Variants in KLF8 observed in about 807,000 individuals in gnomAD.
The protein encoded by KLF8 is Krueppel-like factor 8.
KLF8 carries 10 observed loss-of-function variants against 18.2 expected under a neutral mutation model. The observed-to-expected ratio is 0.55, with a 90% CI of 0.34 to 0.93. KLF8 has a LOEUF of 0.93. KLF8 is among the 40% of genes least tolerant of loss of function. The probability of loss-of-function intolerance (pLI) is 0.02; values close to 1 mark genes in which losing one functional copy is unlikely to be tolerated. For missense variants in KLF8, 264 were observed against 277.9 expected (o/e 0.95, Z 0.36); for synonymous variants, 109 against 97.3 (o/e 1.12, Z -0.71).
At chrX:55,954,362 AT>A in the KLF8 span, among the ~76,000 whole-genome samples, 1 of 111,822 alleles carries the variant, frequency 8.9e-6, no homozygotes, top group Non-Finnish European at 1.9e-5. Flanking sequence ...TTAAAATGAT[AT>A]ACTTCACAAA....
the KLF8 span, among the ~76,000 whole-genome samples, chrX:56,056,344 T>G: frequency 9.1e-6 from 1 of 110,287 alleles, no homozygotes; most frequent in East Asian, 2.9e-4. Flanking sequence ...GGAACAACAC[T>G]CTACTTTGAA....
the KLF8 span, among the ~76,000 whole-genome samples, chrX:56,012,076 G>C: frequency 8.9e-6 from 1 of 111,885 alleles, no homozygotes; most frequent in Non-Finnish European, 1.9e-5. Flanking sequence ...GAATTGAAAA[G>C]GAGTGACCCC....
chrX:55,956,180 CTATCTATCTATG>C, the KLF8 span, among the ~76,000 whole-genome samples: 15 of 108,510 alleles, frequency 1.4e-4, no homozygotes, highest in African/African-American at 4.5e-4. Flanking sequence ...ATCTATCTAT[CTATCTATCTATG>C]TATCTATCTA....
At chrX:56,152,344 G>A in the KLF8 span, among the ~76,000 whole-genome samples, 1 of 110,744 alleles carries the variant, frequency 9.0e-6, no homozygotes, top group Non-Finnish European at 1.9e-5. Flanking sequence ...GATATAGAGA[G>A]CTTAGGCCTT....
At chrX:55,972,556 G>A in the KLF8 span, among the ~76,000 whole-genome samples, 4 of 111,258 alleles carry the variant, frequency 3.6e-5, no homozygotes, top group Non-Finnish European at 7.6e-5. Flanking sequence ...GTAACACAGA[G>A]GATAAATGCT....
chrX:55,953,438 A>C, the KLF8 span, among the ~76,000 whole-genome samples: 9,389 of 82,096 alleles, frequency 0.11, 990 homozygotes, highest in African/African-American at 0.31. Flanking sequence ...CAATCCCTCA[A>C]AATCCCAGGT....
At chrX:55,940,024 G>T in the KLF8 span, among the ~76,000 whole-genome samples, 24,239 of 111,017 alleles carry the variant, frequency 0.22, 5,428 homozygotes, top group African/African-American at 0.69. Flanking sequence ...TAACTCATTT[G>T]ATGAGGACGG....
the KLF8 span, among the ~76,000 whole-genome samples, chrX:55,919,494 C>T: frequency 2.7e-5 from 3 of 111,571 alleles, no homozygotes; most frequent in African/African-American, 6.5e-5. Flanking sequence ...CCCTGGTCAC[C>T]GGCTGCCTCG....
At chrX:56,219,821 C>T in the KLF8 span, among the ~76,000 whole-genome samples, 1 of 111,900 alleles carries the variant, frequency 8.9e-6, no homozygotes, top group East Asian at 2.8e-4. Context: ...CACTGCACTC[C>T]AGCCTGGGCA....
At chrX:56,105,061 T>A in the KLF8 span, among the ~76,000 whole-genome samples, 1 of 112,280 alleles carries the variant, frequency 8.9e-6, no homozygotes, top group South Asian at 3.7e-4. Context: ...CTAATTTGAT[T>A]GCACTGTGGT....
the KLF8 span, among the ~76,000 whole-genome samples, chrX:55,918,741 CGTGT>C: frequency 3.7e-5 from 4 of 107,678 alleles, no homozygotes; most frequent in Non-Finnish European, 5.8e-5. Context: ...TGAGCGTGTC[CGTGT>C]GTGTGTGTGT....
At chrX:56,226,381 T>A in the KLF8 span, among the ~76,000 whole-genome samples, 2 of 112,444 alleles carry the variant, frequency 1.8e-5, no homozygotes, top group African/African-American at 6.5e-5. Context: ...TGACATGTTT[T>A]ACTTAAGTAA....
chrX:56,237,399 ATGTGTGTG>A (rs748941653), intron 1 of KLF8, among the ~76,000 whole-genome samples: 3 of 106,440 alleles, frequency 2.8e-5, no homozygotes, highest in Admixed American at 1.0e-4. Flanking sequence ...TTATATATAT[ATGTGTGTG>A]TGTGTGTGTG....
chrX:56,172,699 A>T, the KLF8 span, among the ~76,000 whole-genome samples: 2 of 111,892 alleles, frequency 1.8e-5, no homozygotes, highest in Non-Finnish European at 3.8e-5. Flanking sequence ...CCACAATGGT[A>T]GAACTAGTTT....
chrX:56,104,448 G>T, the KLF8 span, among the ~76,000 whole-genome samples: 7 of 111,481 alleles, frequency 6.3e-5, no homozygotes, highest in African/African-American at 2.3e-4. Flanking sequence ...TCTTGGGAGG[G>T]TGTATGTGCC....
chrX:55,999,857 T>C, the KLF8 span, among the ~76,000 whole-genome samples: 1 of 112,310 alleles, frequency 8.9e-6, no homozygotes, highest in African/African-American at 3.2e-5. Flanking sequence ...CTGATTGCTC[T>C]GGCTAAAACT....
At chrX:56,038,565 G>C in the KLF8 span, among the ~76,000 whole-genome samples, 1 of 112,546 alleles carries the variant, frequency 8.9e-6, no homozygotes, top group Admixed American at 9.4e-5. Flanking sequence ...TTTTATGGCT[G>C]CATAGCATTC....
intron 3 of KLF8, chrX:56,268,868 A>T: frequency 3.3e-6 from 3 of 895,661 alleles, no homozygotes; most frequent in Non-Finnish European, 4.2e-6. Context: ...AGCACCTACT[A>T]GGTGGTAGGT....
chrX:56,120,230 C>T, the KLF8 span, among the ~76,000 whole-genome samples: 3 of 111,188 alleles, frequency 2.7e-5, no homozygotes, highest in Non-Finnish European at 3.8e-5. Context: ...CCACCCAATC[C>T]GAACCCTGAT....
Sources: gnomAD v4.1 joint callset for allele counts (sites outside exome capture counted in the v4.1 genomes callset) on GRCh38, gnomAD v4.1.1 for gene constraint, MANE v1.5 for transcripts, NCBI Gene and HGNC (gene_info 2026-07-23, HGNC 2026-07-21) for gene names.